OTUD7A: variants seen among roughly 807,000 people sequenced by gnomAD.
OTUD7A encodes the protein OTU deubiquitinase 7A.
A neutral mutation model predicts 65.7 loss-of-function variants in OTUD7A; 12 were observed. That is an observed-to-expected ratio of 0.18 (90% CI 0.12 to 0.30). The LOEUF is 0.30. Ranked by LOEUF, OTUD7A falls within the 10% of genes least tolerant of loss-of-function variation. OTUD7A has a pLI of 1.00. For synonymous variants in OTUD7A, 641 were observed against 586.3 expected (o/e 1.09, Z -1.35); for missense variants, 1,148 against 1,304.8 (o/e 0.88, Z 1.85).
intron 3 of OTUD7A, among the ~76,000 whole-genome samples, chr15:31,602,088 T>G (rs1890093864): frequency 6.6e-6 from 1 of 152,006 alleles, no homozygotes; most frequent in Non-Finnish European, 1.5e-5. Context: ...GAGAGAGTCC[T>G]CTCTAACTCA....
chr15:31,694,351 T>C (rs1893025730), intron 1 of OTUD7A, among the ~76,000 whole-genome samples: 1 of 152,152 alleles, frequency 6.6e-6, no homozygotes, highest in East Asian at 1.9e-4. Context: ...CATTCAGTTC[T>C]CCCTCTCCCT....
In OTUD7A at chr15:31,479,016, G is replaced by A. The variant is rs1210225823; in HGVS notation, c.*4278C>T. On this transcript the variant is annotated 3_prime_UTR_variant, in exon 13 of 13. Coordinates refer to ENST00000307050, the MANE Select transcript of OTUD7A (RefSeq NM_001382637.1). ...TAAACAAGAACAAAGCTGAGCGCTG[G>A]TCACTGCCCCGGCCAGCCACACTAA... 2.6e-5 allele frequency: 4 copies of A among 152,350 alleles called. No individual in the cohort carries two copies. Among genetic ancestry groups the A allele is most frequent in the Non-Finnish European group, 4.4e-5 (3 of 68,142 alleles). The allele number at this position is 152,350 out of a possible 1,614,324, so 9.4% of individuals were successfully genotyped here. A position where few individuals can be genotyped will look rare whatever the true frequency, so the allele number is the denominator to read the frequency against.
At chr15:31,642,561 T>C (rs1313684541) in intron 3 of OTUD7A, among the ~76,000 whole-genome samples, 1 of 152,020 alleles carries the variant, frequency 6.6e-6, no homozygotes, top group Non-Finnish European at 1.5e-5. Flanking sequence ...TTAGATTTCT[T>C]TAATAAATAT....
At chr15:31,680,777 C>T (rs113124882) in intron 1 of OTUD7A, among the ~76,000 whole-genome samples, 8,353 of 151,976 alleles carry the variant, frequency 0.055, 775 homozygotes, top group African/African-American at 0.19. Flanking sequence ...GAAAGGTGCA[C>T]TTTGTTTAGC....
chr15:31,534,979 G>C (rs1342759375), intron 5 of OTUD7A, among the ~76,000 whole-genome samples: 2 of 152,200 alleles, frequency 1.3e-5, no homozygotes, highest in African/African-American at 4.8e-5. Flanking sequence ...TGCTGTTCAA[G>C]AGTCAATTGT....
chr15:31,827,868 G>A (rs1484292382), intron 1 of OTUD7A, among the ~76,000 whole-genome samples: 1 of 151,902 alleles, frequency 6.6e-6, no homozygotes, highest in African/African-American at 2.4e-5. Flanking sequence ...GCGGGGGTTA[G>A]AGGTTGCAGT....
chr15:31,780,400 T>TA (rs1447086461), intron 1 of OTUD7A, among the ~76,000 whole-genome samples: 1 of 152,078 alleles, frequency 6.6e-6, no homozygotes, highest in Admixed American at 6.5e-5. Context: ...TGATTTAAAA[T>TA]AAAAAAAGTA....
rs1424252766 is a variant in OTUD7A, at chr15:31,650,570, AT to A, written c.151+4525del. 5.5e-5 allele frequency among the ~76,000 whole-genome samples: 7 copies of A among 127,872 alleles called. 3 individuals carry two copies. Among genetic ancestry groups the A allele is most frequent in the African/African-American group, 2.5e-4 (7 of 27,698 alleles). 83.9% of individuals were successfully genotyped at this position (127,872 alleles called of 152,430 possible). A position where few individuals can be genotyped will look rare whatever the true frequency, so the allele number is the denominator to read the frequency against. ...ATCTCACAGACTCACAGCAACCACA[AT>A]CCACACAAGTCTTGCAGGAACTTGG... On this transcript the variant is annotated intron_variant, in intron 3 of 12. Transcript: ENST00000307050.
At chr15:31,577,074 T>G (rs535320114) in intron 3 of OTUD7A, among the ~76,000 whole-genome samples, 1 of 152,214 alleles carries the variant, frequency 6.6e-6, no homozygotes, top group Non-Finnish European at 1.5e-5. Flanking sequence ...ACATGACAGA[T>G]AGCAGACTCT....
intron 1 of OTUD7A, among the ~76,000 whole-genome samples, chr15:31,824,737 A>C (rs1327632976): frequency 6.6e-6 from 1 of 152,188 alleles, no homozygotes; most frequent in Non-Finnish European, 1.5e-5. Flanking sequence ...TACATCACAT[A>C]CTTTCACTGT....
chr15:31,616,946 T>C (rs1041689088), intron 3 of OTUD7A, among the ~76,000 whole-genome samples: 1 of 152,178 alleles, frequency 6.6e-6, no homozygotes, highest in African/African-American at 2.4e-5. Flanking sequence ...GGAAAGAAGT[T>C]TGCCAACCCC....
At chr15:31,693,262 A>G (rs1023646703) in intron 1 of OTUD7A, among the ~76,000 whole-genome samples, 8 of 152,238 alleles carry the variant, frequency 5.3e-5, no homozygotes, top group Non-Finnish European at 1.2e-4. Context: ...TTTGTACTCT[A>G]AGATACTGTA....
intron 1 of OTUD7A, among the ~76,000 whole-genome samples, chr15:31,794,576 T>A (rs954690339): frequency 6.7e-6 from 1 of 150,358 alleles, no homozygotes; most frequent in East Asian, 1.9e-4. Context: ...CTAATATTAA[T>A]GAAGCACCTA....
chr15:31,566,552 A>G (rs1888880883), intron 4 of OTUD7A, among the ~76,000 whole-genome samples: 1 of 152,248 alleles, frequency 6.6e-6, no homozygotes, highest in South Asian at 2.1e-4. Context: ...TCTTCAGAGT[A>G]GAAAAACAAC....
intron 4 of OTUD7A, among the ~76,000 whole-genome samples, chr15:31,559,483 C>T (rs549083128): frequency 4.8e-4 from 73 of 152,182 alleles, no homozygotes; most frequent in South Asian, 2.7e-3. Flanking sequence ...TGCACACATA[C>T]GCATACACAC....
At chr15:31,812,825 C>A (rs966546392) in intron 1 of OTUD7A, among the ~76,000 whole-genome samples, 1 of 152,202 alleles carries the variant, frequency 6.6e-6, no homozygotes, top group African/African-American at 2.4e-5. Context: ...CCAAGCCACA[C>A]ACCCCAAGCT....
At chr15:31,506,199 TGA>T (rs1213503535) in intron 8 of OTUD7A, among the ~76,000 whole-genome samples, 5 of 151,540 alleles carry the variant, frequency 3.3e-5, no homozygotes, top group Admixed American at 3.3e-4. Flanking sequence ...GGTACAATAT[TGA>T]GTTTTAATTA....
intron 1 of OTUD7A, among the ~76,000 whole-genome samples, chr15:31,848,045 G>A (rs529706979): frequency 6.6e-5 from 10 of 152,316 alleles, no homozygotes; most frequent in Admixed American, 5.2e-4. Context: ...AGATTGGGGA[G>A]GGGACACAGA....
At chr15:31,753,744 A>T (rs1393722687) in intron 1 of OTUD7A, among the ~76,000 whole-genome samples, 1 of 137,142 alleles carries the variant, frequency 7.3e-6, no homozygotes, top group Non-Finnish European at 1.5e-5. Flanking sequence ...TATATATCTC[A>T]CAGTTTCTTT....
Sources: gnomAD v4.1 joint callset for allele counts (sites outside exome capture counted in the v4.1 genomes callset) on GRCh38, gnomAD v4.1.1 for gene constraint, MANE v1.5 for transcripts, NCBI Gene and HGNC (gene_info 2026-07-23, HGNC 2026-07-21) for gene names.